The following SPAG16 variants were observed in gnomAD, a reference collection of about 807,000 sequenced individuals.
SPAG16 encodes the protein sperm associated antigen 16, also known as sperm-associated antigen 16 protein.
In SPAG16, 86 loss-of-function variants were observed where a neutral mutation model predicts 80.4. That is an observed-to-expected ratio of 1.07 (90% CI 0.90 to 1.28). The LOEUF is 1.28. Ranked by LOEUF, SPAG16 falls within the 50% of genes most tolerant of loss-of-function variation. SPAG16 has a pLI of 0.00. For missense variants in SPAG16, 870 were observed against 765.3 expected (o/e 1.14, Z -1.61); for synonymous variants, 294 against 265.9 (o/e 1.11, Z -1.03).
intron 9 of SPAG16, among the ~76,000 whole-genome samples, chr2:213,430,915 G>A (rs1431860767): frequency 6.6e-6 from 1 of 152,080 alleles, no homozygotes; most frequent in African/African-American, 2.4e-5. Context: ...AAAAAGATTG[G>A]ATCCTATTTT....
At chr2:214,289,190 G>A (rs902393014) in intron 15 of SPAG16, among the ~76,000 whole-genome samples, 2 of 152,154 alleles carry the variant, frequency 1.3e-5, no homozygotes, top group Non-Finnish European at 2.9e-5. Flanking sequence ...CCATTCAACA[G>A]GTTGTCTCTT....
chr2:213,594,660 C>T (rs1214149527), intron 10 of SPAG16, among the ~76,000 whole-genome samples: 2 of 152,076 alleles, frequency 1.3e-5, no homozygotes, highest in East Asian at 1.9e-4. Flanking sequence ...TAAATGTTAT[C>T]GCAATTCATC....
At chr2:214,187,508 A>G (rs1308667676) in intron 15 of SPAG16, among the ~76,000 whole-genome samples, 1 of 152,178 alleles carries the variant, frequency 6.6e-6, no homozygotes, top group Non-Finnish European at 1.5e-5. Context: ...TCAGAAAGCA[A>G]GAGTTTTTCT....
intron 11 of SPAG16, among the ~76,000 whole-genome samples, chr2:213,910,993 T>C (rs1472500280): frequency 6.6e-6 from 1 of 152,178 alleles, no homozygotes; most frequent in Non-Finnish European, 1.5e-5. Flanking sequence ...TTCCACTTCC[T>C]ACTTAGTGAT....
At chr2:214,237,107 A>G (rs989996883) in intron 15 of SPAG16, among the ~76,000 whole-genome samples, 1 of 152,180 alleles carries the variant, frequency 6.6e-6, no homozygotes, top group Non-Finnish European at 1.5e-5. Flanking sequence ...TGACCCTTTC[A>G]GGGACAGCAA....
chr2:213,747,007 G>A (rs1351358660), intron 10 of SPAG16, among the ~76,000 whole-genome samples: 1 of 152,096 alleles, frequency 6.6e-6, no homozygotes, highest in Non-Finnish European at 1.5e-5. Context: ...CCATAAGAAG[G>A]TATTGTCATA....
At chr2:213,884,803 T>C (rs1171506509) in intron 11 of SPAG16, among the ~76,000 whole-genome samples, 2 of 152,322 alleles carry the variant, frequency 1.3e-5, no homozygotes, top group Admixed American at 1.3e-4. Context: ...CCAATTGTAT[T>C]ATGAAATTCT....
In SPAG16 at chr2:213,399,322, C is replaced by G. The variant is rs534512397; in HGVS notation, c.942+24203C>G. On this transcript the variant is annotated intron_variant, in intron 9 of 15. Coordinates refer to ENST00000331683, the MANE Select transcript of SPAG16 (RefSeq NM_024532.5). ...TTGATATTTAAAGTTTGTGTTTTAC[C>G]ATGAGTATATTAATTTTTTTGACCA... Among the ~76,000 whole-genome samples the G allele has an allele frequency of 1.7e-4, 26 of 151,940 alleles. 1 individual carries two copies. Among genetic ancestry groups the G allele is most frequent in the African/African-American group, 6.3e-4 (26 of 41,496 alleles).
intron 9 of SPAG16, among the ~76,000 whole-genome samples, chr2:213,458,576 A>G (rs1343662507): frequency 1.3e-5 from 2 of 152,218 alleles, no homozygotes; most frequent in Non-Finnish European, 2.9e-5. Flanking sequence ...AGTCTAAAAA[A>G]ATAAATAAAT....
chr2:214,312,376 C>T (rs1695395418), intron 15 of SPAG16, among the ~76,000 whole-genome samples: 1 of 152,140 alleles, frequency 6.6e-6, no homozygotes, highest in Non-Finnish European at 1.5e-5. Context: ...GTAAAGATAA[C>T]TCATTATATC....
intron 13 of SPAG16, among the ~76,000 whole-genome samples, chr2:214,102,207 C>A (rs2125378017): frequency 6.9e-6 from 1 of 145,198 alleles, no homozygotes; most frequent in Middle Eastern, 3.6e-3. Flanking sequence ...CCAGAGATGT[C>A]TTAGGCCTTG....
chr2:213,926,544 T>G (rs1184322267), intron 11 of SPAG16, among the ~76,000 whole-genome samples: 1 of 152,196 alleles, frequency 6.6e-6, no homozygotes, highest in African/African-American at 2.4e-5. Flanking sequence ...CTCTGAATTT[T>G]GCTGTTTCTC....
intron 14 of SPAG16, among the ~76,000 whole-genome samples, chr2:214,121,476 G>A (rs1195799780): frequency 6.6e-6 from 1 of 151,620 alleles, no homozygotes; most frequent in Admixed American, 6.6e-5. Context: ...GGTACTTTTC[G>A]GATTCTGGCT....
In SPAG16 at chr2:213,724,004, C is replaced by A. The variant is rs549668624; in HGVS notation, c.1071-138481C>A. On this transcript the variant is annotated intron_variant, in intron 10 of 15. Coordinates refer to ENST00000331683, the MANE Select transcript of SPAG16 (RefSeq NM_024532.5). The stretch of plus-strand genomic sequence containing the variant: ...GGTGAGAGAGAGAAAGAAAGATAAA[C>A]CACAGGCACATTGCTTTAACTTCTT... Among the ~76,000 whole-genome samples, 37 of 152,298 alleles carry A rather than the reference C, an allele frequency of 2.4e-4. No homozygotes were observed. The South Asian group carries it at 7.5e-3, about 31-fold the overall frequency.
chr2:213,330,937 C>T (rs565389670), intron 5 of SPAG16, among the ~76,000 whole-genome samples: 5 of 152,122 alleles, frequency 3.3e-5, no homozygotes, highest in Non-Finnish European at 7.4e-5. Context: ...TGCTGCCATC[C>T]ATGTAAGATG....
intron 10 of SPAG16, among the ~76,000 whole-genome samples, chr2:213,812,057 A>G (rs1340201918): frequency 2.6e-5 from 4 of 152,158 alleles, no homozygotes; most frequent in Non-Finnish European, 4.4e-5. Context: ...GAGGTGGAGA[A>G]CAGAGATGGT....
chr2:214,034,146 G>A (rs1323675405), intron 13 of SPAG16, among the ~76,000 whole-genome samples: 1 of 152,118 alleles, frequency 6.6e-6, no homozygotes, highest in Non-Finnish European at 1.5e-5. Context: ...ACCTTATGCA[G>A]GTTTCATAGA....
At chr2:213,605,635 G>T (rs538671910) in intron 10 of SPAG16, among the ~76,000 whole-genome samples, 2 of 151,982 alleles carry the variant, frequency 1.3e-5, no homozygotes, top group East Asian at 3.9e-4. Flanking sequence ...GACTACAGGC[G>T]CCTGCCACCA....
chr2:213,609,596 C>T (rs998851696), intron 10 of SPAG16, among the ~76,000 whole-genome samples: 13 of 152,290 alleles, frequency 8.5e-5, no homozygotes, highest in African/African-American at 2.6e-4. Flanking sequence ...TTTCCTAGTG[C>T]TGTTTCAATC....
Sources: allele counts gnomAD v4.1 joint callset (sites outside exome capture counted in the v4.1 genomes callset), GRCh38; gene constraint gnomAD v4.1.1; transcripts MANE v1.5; gene names NCBI Gene and HGNC (gene_info 2026-07-23, HGNC 2026-07-21).